Variants in ZNF727 observed in about 807,000 individuals in gnomAD.
The protein encoded by ZNF727 is putative zinc finger protein 727.
A neutral mutation model predicts 11.5 loss-of-function variants in ZNF727; 11 were observed. That is an observed-to-expected ratio of 0.95 (90% CI 0.60 to 1.58). The LOEUF is 1.58. ZNF727 is among the 40% of genes most tolerant of loss of function. The probability of loss-of-function intolerance (pLI) is 0.00; values close to 1 mark genes in which losing one functional copy is unlikely to be tolerated. For missense variants in ZNF727, 533 were observed against 581.7 expected (o/e 0.92, Z 0.86); for synonymous variants, 171 against 196.1 (o/e 0.87, Z 1.07).
intron 3 of ZNF727, among the ~76,000 whole-genome samples, chr7:64,072,805 G>A (rs1156661484): frequency 1.3e-5 from 2 of 152,084 alleles, no homozygotes; most frequent in African/African-American, 4.8e-5. Flanking sequence ...TTTTCAAAAT[G>A]ACTCCAATCA....
chr7:64,048,019 A>T (rs1410431837), intron 1 of ZNF727, among the ~76,000 whole-genome samples: 1 of 152,210 alleles, frequency 6.6e-6, no homozygotes, highest in Non-Finnish European at 1.5e-5. Flanking sequence ...AGTGAGCAGA[A>T]TGGGGGTGGG....
intron 1 of ZNF727, among the ~76,000 whole-genome samples, chr7:64,066,193 A>G (rs952708606): frequency 6.6e-6 from 1 of 152,162 alleles, no homozygotes; most frequent in Non-Finnish European, 1.5e-5. Context: ...GCTCATGGAT[A>G]GGAAGAATCA....
rs1048331335 is a variant in ZNF727, at chr7:64,082,720, C to CA, written c.*4178dup. Among the ~76,000 whole-genome samples, 1 of 151,926 alleles carries CA rather than the reference C, an allele frequency of 6.6e-6. No homozygotes were observed. Among genetic ancestry groups the CA allele is most frequent in the African/African-American group, 2.4e-5 (1 of 41,352 alleles). ...GTGAAATCCCACCTCTACTAAAATA[C>CA]AAAAAAAGAAAATTAGCCAGGTGTG... On this transcript the variant is annotated 3_prime_UTR_variant, in exon 4 of 4. Coordinates refer to ENST00000456806, the MANE Select transcript of ZNF727 (RefSeq NM_001159522.3).
intron 1 of ZNF727, among the ~76,000 whole-genome samples, chr7:64,061,130 T>C (rs1291125074): frequency 2.0e-5 from 3 of 152,200 alleles, no homozygotes; most frequent in Non-Finnish European, 2.9e-5. Context: ...GGCTGAGGTG[T>C]AGAATTTGTA....
chr7:64,069,148 T>C, intron 2 of ZNF727, 131 bp downstream of exon 2: 1 of 953,706 alleles, frequency 1.0e-6, no homozygotes. Flanking sequence ...TGGGTATCTG[T>C]TTAGGTAGTA....
intron 1 of ZNF727, 89 bp from the exon 2 acceptor site, chr7:64,068,797 TAAGTC>T: frequency 7.1e-7 from 1 of 1,410,246 alleles, no homozygotes; most frequent in Non-Finnish European, 9.7e-7. Context: ...GTAACTCATA[TAAGTC>T]AGAACCAGCT....
intron 1 of ZNF727, among the ~76,000 whole-genome samples, chr7:64,065,274 G>A (rs1181636586): frequency 6.6e-6 from 1 of 152,184 alleles, no homozygotes; most frequent in African/African-American, 2.4e-5. Context: ...GCTCTGCTTA[G>A]GTTTGGTAGG....
At chr7:64,067,311 A>G (rs1789884381) in intron 1 of ZNF727, among the ~76,000 whole-genome samples, 1 of 152,198 alleles carries the variant, frequency 6.6e-6, no homozygotes, top group African/African-American at 2.4e-5. Context: ...AATTAGTTCA[A>G]CCATTGTGGA....
At chr7:64,068,662 T>C (rs1476173762) in intron 1 of ZNF727, among the ~76,000 whole-genome samples, 1 of 152,170 alleles carries the variant, frequency 6.6e-6, no homozygotes, top group African/African-American at 2.4e-5. Context: ...CTTCATTTTA[T>C]ACTGTATCAT....
rs202155197 is a variant in ZNF727, at chr7:64,077,611, A to G, written c.562A>G (p.Thr188Ala). 564 of 1,551,646 alleles carry G rather than the reference A, an allele frequency of 3.6e-4. 1 individual carries two copies. The African/African-American group carries it at 7.0e-3, about 19-fold the overall frequency. ...CAAAGACTGTAGGTTGTCAGATTTT[A>G]CCATACAGAAGAGAATTCATACTGC... ...CGKDCRLSDFTIQKRIHTADR... is the reference protein window; with the variant it reads ...CGKDCRLSDFAIQKRIHTADR... Residue 188 changes from threonine to alanine, a missense_variant, in exon 4 of 4, where the codon ACC becomes GCC. Physicochemically the swap from Thr to Ala is moderately conservative, Grantham distance 58. Transcript: ENST00000456806.
intron 1 of ZNF727, among the ~76,000 whole-genome samples, chr7:64,048,954 T>A (rs1416028632): frequency 6.6e-6 from 1 of 152,172 alleles, no homozygotes. Context: ...AGTGCTGGGT[T>A]TTTGCAGAGC....
chr7:64,064,717 A>C (rs1789835773), intron 1 of ZNF727, among the ~76,000 whole-genome samples: 1 of 152,146 alleles, frequency 6.6e-6, no homozygotes, highest in Non-Finnish European at 1.5e-5. Context: ...ACCTGAAACT[A>C]AAGTTTTGAT....
chr7:64,054,277 G>A lies in ZNF727; in HGVS notation c.3+8653G>A, dbSNP rs148105476. ...CTTCAGGTTTGTCTTCAAAAGGAGA[G>A]AAAGATGAGGTTGCTTAGAACCTCA... is the stretch of plus-strand genomic sequence containing the variant. On this transcript the variant is annotated intron_variant, in intron 1 of 3. Coordinates refer to ENST00000456806, the MANE Select transcript of ZNF727 (RefSeq NM_001159522.3). Among the ~76,000 whole-genome samples the A allele has an allele frequency of 1.0e-3, 152 of 152,314 alleles. 1 individual carries two copies. The highest frequency in any genetic ancestry group is 6.8e-3 in the Middle Eastern group (2 of 294).
At chr7:64,069,262 A>G (rs1440352345) in intron 2 of ZNF727, among the ~76,000 whole-genome samples, 2 of 152,094 alleles carry the variant, frequency 1.3e-5, no homozygotes, top group African/African-American at 4.8e-5. Context: ...ATTTGATAGC[A>G]TAAAATATTG....
chr7:64,085,022 C>A lies in ZNF727; in HGVS notation c.*6473C>A, dbSNP rs1300194134. On this transcript the variant is annotated 3_prime_UTR_variant, in exon 4 of 4. Coordinates refer to ENST00000456806, the MANE Select transcript of ZNF727 (RefSeq NM_001159522.3). ...GACTTAGAATCATCTTTTGCAAATT[C>A]TTTTTTTGTTTGTTTGTCTGTTTTC... 1.3e-5 allele frequency among the ~76,000 whole-genome samples: 2 copies of A among 151,732 alleles called. No homozygotes were observed. The highest frequency in any genetic ancestry group is 4.8e-5 in the African/African-American group (2 of 41,278).
At chr7:64,046,354 T>C (rs914401398) in intron 1 of ZNF727, among the ~76,000 whole-genome samples, 2 of 152,158 alleles carry the variant, frequency 1.3e-5, no homozygotes, top group African/African-American at 4.8e-5. Flanking sequence ...CTTTAGGATA[T>C]AGTTTCGAAG....
At chr7:64,056,227 A>G (rs1210259099) in intron 1 of ZNF727, among the ~76,000 whole-genome samples, 2 of 152,180 alleles carry the variant, frequency 1.3e-5, no homozygotes, top group Non-Finnish European at 1.5e-5. Flanking sequence ...TATTGATATC[A>G]TCTAAAAGTA....
At position 64,078,201 on chromosome 7, in the gene ZNF727, T is replaced by G. The variant is rs753868803; in HGVS notation, c.1152T>G (p.Thr384=). 1.1e-4 allele frequency: 172 copies of G among 1,602,650 alleles called. No individual in the cohort carries two copies. Among genetic ancestry groups the G allele is most frequent in the Non-Finnish European group, 1.4e-4 (164 of 1,174,244 alleles). Residue 384 remains threonine, a synonymous_variant, in exon 4 of 4, where the codon ACT becomes ACG. Transcript: ENST00000456806. ...GKTFKWFSDL[T]NHKRIHTGEK... is the part of the protein sequence containing the mutation. Reference sequence around the variant, plus strand: ...CCTTTAAGTGGTTCTCAGACCTGACTAATCATAAGAGAATTCACACTGGAG... The same window carrying G: ...CCTTTAAGTGGTTCTCAGACCTGACGAATCATAAGAGAATTCACACTGGAG...
At chr7:64,056,910 T>G (rs1266249801) in intron 1 of ZNF727, among the ~76,000 whole-genome samples, 1 of 152,124 alleles carries the variant, frequency 6.6e-6, no homozygotes, top group Non-Finnish European at 1.5e-5. Flanking sequence ...AGTTTTGCTC[T>G]GCTTTTCTGT....
Sources: allele counts gnomAD v4.1 joint callset (sites outside exome capture counted in the v4.1 genomes callset), GRCh38; gene constraint gnomAD v4.1.1; transcripts MANE v1.5; gene names NCBI Gene and HGNC (gene_info 2026-07-23, HGNC 2026-07-21).